SNRPN: variants seen among roughly 807,000 people sequenced by gnomAD.
SNRPN encodes the protein small nuclear ribonucleoprotein polypeptide N, also known as small nuclear ribonucleoprotein-associated protein N.
SNRPN carries 7 observed loss-of-function variants against 25.2 expected under a neutral mutation model. That is an observed-to-expected ratio of 0.28 (90% CI 0.16 to 0.52). The LOEUF (loss-of-function observed/expected upper bound fraction) is 0.52, where lower values mean the gene tolerates loss of function less well. SNRPN is among the 20% of genes least tolerant of loss of function. The pLI, the probability that SNRPN is intolerant of heterozygous loss-of-function variation, is 0.96. For missense variants in SNRPN, 196 were observed against 322.5 expected (o/e 0.61, Z 3.00); for synonymous variants, 124 against 110.6 (o/e 1.12, Z -0.76).
chr15:24,902,002 TGTAAC>T (rs1282779718), intron 2 of SNRPN, among the ~76,000 whole-genome samples: 1 of 152,190 alleles, frequency 6.6e-6, no homozygotes, highest in Non-Finnish European at 1.5e-5. Flanking sequence ...ACTGAGAAAT[TGTAAC>T]GTAAGACAAG....
At chr15:24,885,490 A>C (rs1397680753) in intron 1 of SNRPN, among the ~76,000 whole-genome samples, 1 of 152,204 alleles carries the variant, frequency 6.6e-6, no homozygotes, top group Non-Finnish European at 1.5e-5. Context: ...AAACAGTTTT[A>C]TGTTTATAAA....
chr15:24,969,197 C>A (rs1316585238), intron 3 of SNRPN, among the ~76,000 whole-genome samples: 1 of 152,062 alleles, frequency 6.6e-6, no homozygotes, highest in African/African-American at 2.4e-5. Flanking sequence ...GGTATGGTTT[C>A]GGCTCACTGC....
At chr15:24,898,566 G>A (rs1003243047) in intron 2 of SNRPN, among the ~76,000 whole-genome samples, 5 of 151,420 alleles carry the variant, frequency 3.3e-5, no homozygotes, top group Admixed American at 1.3e-4. Context: ...CCATCCTGGC[G>A]ACAGAGTGAG....
intron 2 of SNRPN, among the ~76,000 whole-genome samples, chr15:24,895,408 C>T (rs201399262): frequency 3.6e-4 from 29 of 79,770 alleles, no homozygotes; most frequent in Non-Finnish European, 2.4e-4. Flanking sequence ...CAAACACACA[C>T]ACACACACAC....
chr15:24,855,375 C>G (rs749072290), upstream of SNRPN, among the ~76,000 whole-genome samples: 2 of 152,106 alleles, frequency 1.3e-5, no homozygotes, highest in African/African-American at 2.4e-5. Flanking sequence ...TAAAGCCCTA[C>G]AAGAAAGGAA....
chr15:24,836,769 C>G (rs1378643392), intron 2 of SNRPN, among the ~76,000 whole-genome samples: 1 of 152,050 alleles, frequency 6.6e-6, no homozygotes, highest in Non-Finnish European at 1.5e-5. Context: ...AATGAAAACT[C>G]AAACATCTAG....
chr15:24,935,278 A>C (rs542002122), intron 3 of SNRPN, among the ~76,000 whole-genome samples: 1 of 152,164 alleles, frequency 6.6e-6, no homozygotes, highest in Non-Finnish European at 1.5e-5. Flanking sequence ...TCTCCAAAAA[A>C]AAAAAAGTTC....
At chr15:24,977,355 A>C (rs1200132662) in intron 7 of SNRPN, among the ~76,000 whole-genome samples, 2 of 152,156 alleles carry the variant, frequency 1.3e-5, no homozygotes, top group Non-Finnish European at 2.9e-5. Flanking sequence ...AAATATGGGA[A>C]TAGGCCGGGT....
At chr15:24,884,504 CACTT>C (rs2057013377) in intron 1 of SNRPN, among the ~76,000 whole-genome samples, 1 of 152,104 alleles carries the variant, frequency 6.6e-6, no homozygotes. Flanking sequence ...GATGTCATGA[CACTT>C]AGCCCATCCT....
rs1233349072 is a variant in SNRPN at position 24,923,923 on chromosome 15, A to T, written c.-391+3799A>T. Among the ~76,000 whole-genome samples the T allele has an allele frequency of 1.7e-4, 15 of 89,906 alleles. 1 individual carries two copies. Among genetic ancestry groups the T allele is most frequent in the African/African-American group, 3.7e-4 (8 of 21,486 alleles). The allele number at this position is 89,906 out of a possible 152,430, so 59.0% of individuals were successfully genotyped here. On this transcript the variant is annotated intron_variant, in intron 3 of 11. Transcript: ENST00000400097. ...TGTGTGTGTGTGTGTGTATATAAAC[A>T]TTTTTTTTTTTTTTTTTTTTTTTTT...
chr15:24,949,829 CT>C (rs1219614111), intron 3 of SNRPN, among the ~76,000 whole-genome samples: 2 of 151,110 alleles, frequency 1.3e-5, no homozygotes, highest in African/African-American at 4.9e-5. Flanking sequence ...TCTTTTCTTT[CT>C]TTCTTTTTTT....
intron 3 of SNRPN, among the ~76,000 whole-genome samples, chr15:24,931,171 T>C (rs1421219607): frequency 6.6e-6 from 1 of 152,190 alleles, no homozygotes; most frequent in East Asian, 1.9e-4. Context: ...TTGCAATTAG[T>C]TTTGCTTCTT....
intron 1 of SNRPN, among the ~76,000 whole-genome samples, chr15:24,874,015 G>GA (rs143345528): frequency 0.14 from 17,362 of 127,016 alleles, 1,240 homozygotes; most frequent in East Asian, 0.38. Flanking sequence ...TTCATCTTCA[G>GA]AAAAAAAAAA....
chr15:24,949,187 A>AT (rs1158221195), intron 3 of SNRPN, among the ~76,000 whole-genome samples: 1 of 151,226 alleles, frequency 6.6e-6, no homozygotes, highest in African/African-American at 2.4e-5. Context: ...ACACCCGGCT[A>AT]TTTTTTGTAT....
chr15:24,967,233 T>C (rs1005617731), intron 2 of SNRPN: 3 of 152,404 alleles, frequency 2.0e-5, no homozygotes, highest in African/African-American at 7.2e-5. Context: ...GAAATATTTC[T>C]AGACTTGGTA....
intron 2 of SNRPN, among the ~76,000 whole-genome samples, chr15:24,835,543 G>A (rs2051089814): frequency 1.3e-5 from 2 of 152,032 alleles, no homozygotes; most frequent in African/African-American, 4.8e-5. Context: ...GCATCCTGAT[G>A]TGTTTAGGAA....
At chr15:24,966,867 A>G (rs924829725) in intron 2 of SNRPN, among the ~76,000 whole-genome samples, 1 of 152,112 alleles carries the variant, frequency 6.6e-6, no homozygotes, top group Non-Finnish European at 1.5e-5. Context: ...GCAAGCTGTC[A>G]TTTCCTGTAT....
In SNRPN at chr15:24,827,421, C is replaced by T. The variant is rs184793511; in HGVS notation, c.-686-2377C>T. ...TCCCAGCATACTCAGGAGGCTGAGG[C>T]GGGAGAATGGGGTGAACCTGGGAGG... On this transcript the variant is annotated intron_variant, in intron 1 of 12. Transcript: ENST00000400100. 5.9e-3 allele frequency among the ~76,000 whole-genome samples: 850 copies of T among 145,238 alleles called. 6 individuals are homozygous for T. The highest frequency in any genetic ancestry group is 9.3e-3 in the Non-Finnish European group (623 of 67,160).
chr15:24,874,054 C>T (rs1025296946), intron 1 of SNRPN, among the ~76,000 whole-genome samples: 7 of 151,072 alleles, frequency 4.6e-5, no homozygotes, highest in Non-Finnish European at 4.4e-5. Flanking sequence ...GTGGCTCACG[C>T]CTGTAATCCA....
Sources: gnomAD v4.1 joint callset for allele counts (sites outside exome capture counted in the v4.1 genomes callset) on GRCh38, gnomAD v4.1.1 for gene constraint, MANE v1.5 for transcripts, NCBI Gene and HGNC (gene_info 2026-07-23, HGNC 2026-07-21) for gene names.